The following PARP6 variants were observed in gnomAD, a reference collection of about 807,000 sequenced individuals.
The protein encoded by PARP6 is poly(ADP-ribose) polymerase family member 6.
PARP6 carries 27 observed loss-of-function variants against 92.0 expected under a neutral mutation model. The ratio of observed to expected loss-of-function variants is 0.29; its 90% CI spans 0.22 to 0.40. The LOEUF is 0.40. PARP6 is among the 10% of genes least tolerant of loss of function. The pLI, the probability that PARP6 is intolerant of heterozygous loss-of-function variation, is 1.00. For synonymous variants in PARP6, 272 were observed against 281.2 expected (o/e 0.97, Z 0.33); for missense variants, 501 against 784.5 (o/e 0.64, Z 4.32).
chr15:72,271,789 T>C (rs181638280), intron 1 of PARP6, among the ~76,000 whole-genome samples: 2 of 152,310 alleles, frequency 1.3e-5, no homozygotes, highest in South Asian at 2.1e-4. Context: ...AAATAGACTA[T>C]ATGATGAGTG....
chr15:72,248,581 T>C (rs1324909327), intron 20 of PARP6, among the ~76,000 whole-genome samples: 3 of 152,214 alleles, frequency 2.0e-5, no homozygotes, highest in East Asian at 3.8e-4. Flanking sequence ...TGCAACTACA[T>C]GGTGACTATA....
chr15:72,264,466 C>A, intron 8 of PARP6, 89 bp downstream of exon 8: 1 of 936,024 alleles, frequency 1.1e-6, no homozygotes, highest in Non-Finnish European at 1.7e-6. Flanking sequence ...GGGGGCATTC[C>A]ATCCAAGGCT....
In PARP6 at chr15:72,242,913, T is replaced by C. The variant is rs1174999130; in HGVS notation, c.1562-214A>G. The C allele has an allele frequency of 1.8e-6, 1 of 543,892 alleles. No homozygotes were observed. Among genetic ancestry groups the C allele is most frequent in the East Asian group, 3.1e-5 (1 of 31,846 alleles). 33.7% of individuals were successfully genotyped at this position (543,892 alleles called of 1,614,324 possible). On this transcript the variant is annotated intron_variant, in intron 20 of 23. Transcript: ENST00000569795. This position sits in a 1 kb window ranked among gnomAD's most constrained non-coding sequence, Gnocchi z 4.3. ...GGGTTGTGATGCAGATTATAGAGCA[T>C]GGTGTGAGCCTAGAGGAGGGCAACT... is the stretch of plus-strand genomic sequence containing the variant.
intron 10 of PARP6, 29 bp from the exon 11 acceptor site, chr15:72,259,690 G>A: frequency 1.2e-6 from 2 of 1,608,484 alleles, no homozygotes; most frequent in African/African-American, 2.7e-5. Flanking sequence ...CAGACCCCGT[G>A]AACCTCCTAT....
rs1364518352 is a variant in PARP6 at position 72,254,505 on chromosome 15, G to A, written c.1141C>T (p.Arg381Trp). 4 of 1,612,354 alleles carry A rather than the reference G, an allele frequency of 2.5e-6. No individual in the cohort carries two copies. The highest frequency in any genetic ancestry group is 2.5e-6 in the Non-Finnish European group (3 of 1,178,556). Residue 381 changes from arginine to tryptophan, a missense_variant, in exon 15 of 24, where the codon CGG becomes TGG. This residue lies in a region of PARP6 where 191 missense variants were observed against 399.1 expected (regional missense o/e 0.48). Transcript: ENST00000569795. ...ACACTATCCAGAGCTTTCTGAAGCCGCTCATAATTCTTCTTCTGTGGAGAA... is the reference window on the plus strand; with the variant it reads ...ACACTATCCAGAGCTTTCTGAAGCCACTCATAATTCTTCTTCTGTGGAGAA... ...AFNPKKKNYE[R>W]LQKALDSVMS...
chr15:72,267,300 A>G (rs2086728490), intron 3 of PARP6, 175 bp downstream of exon 3: 1 of 675,366 alleles, frequency 1.5e-6, no homozygotes, highest in South Asian at 1.8e-5. Context: ...AAAACCCACT[A>G]CACAAACACA....
intron 2 of PARP6, among the ~76,000 whole-genome samples, chr15:72,270,704 C>T (rs979351774): frequency 3.3e-5 from 5 of 152,196 alleles, no homozygotes; most frequent in African/African-American, 1.2e-4. Flanking sequence ...GCCACCTTGA[C>T]CATCCTATTT....
intron 9 of PARP6, among the ~76,000 whole-genome samples, chr15:72,261,165 C>T (rs1447309492): frequency 1.3e-5 from 2 of 152,122 alleles, no homozygotes; most frequent in Non-Finnish European, 2.9e-5. Flanking sequence ...GAAGACACCA[C>T]AGGGGGAAAA....
At chr15:72,261,754 A>G (rs778028288) in intron 8 of PARP6, 47 bp from the exon 9 acceptor site, 2 of 1,579,590 alleles carry the variant, frequency 1.3e-6, no homozygotes, top group East Asian at 4.5e-5. Context: ...GGCAGGGTCA[A>G]GAAATAAGGA....
At chr15:72,265,333 G>A (rs772373704) in intron 6 of PARP6, 80 bp downstream of exon 6, 4 of 1,269,366 alleles carry the variant, frequency 3.2e-6, no homozygotes, top group South Asian at 1.2e-5. Flanking sequence ...TACAGCACTC[G>A]GGAACAAGAC....
intron 8 of PARP6, among the ~76,000 whole-genome samples, chr15:72,262,390 C>T (rs1438067946): frequency 6.6e-6 from 1 of 152,172 alleles, no homozygotes; most frequent in African/African-American, 2.4e-5. Context: ...ACCTTGATCC[C>T]TCCATTCTCT....
At chr15:72,271,947 C>T (rs1245299560) in intron 1 of PARP6, among the ~76,000 whole-genome samples, 1 of 152,204 alleles carries the variant, frequency 6.6e-6, no homozygotes, top group African/African-American at 2.4e-5. Flanking sequence ...GACAACTTCA[C>T]GTCTAGTCAA....
At chr15:72,264,786 G>A (rs1314805457) in intron 7 of PARP6, among the ~76,000 whole-genome samples, 165 bp from the exon 8 acceptor site, 3 of 152,166 alleles carry the variant, frequency 2.0e-5, no homozygotes, top group South Asian at 2.1e-4. Flanking sequence ...GCAGATTCTC[G>A]AAGCTGTCAT....
chr15:72,258,257 T>G, intron 11 of PARP6, 125 bp from the exon 12 acceptor site: 1 of 699,440 alleles, frequency 1.4e-6, no homozygotes, highest in Admixed American at 2.0e-5. Flanking sequence ...TAGGATATAT[T>G]CTTAGGCTGT....
At chr15:72,268,085 G>C (rs1274130454) in intron 2 of PARP6, among the ~76,000 whole-genome samples, 1 of 152,190 alleles carries the variant, frequency 6.6e-6, no homozygotes. Flanking sequence ...ACAGATACTT[G>C]CATATAAAAA....
chr15:72,257,554 C>T, intron 12 of PARP6, 114 bp from the exon 13 acceptor site: 1 of 759,534 alleles, frequency 1.3e-6, no homozygotes, highest in Non-Finnish European at 2.3e-6. Flanking sequence ...ATTTGAGGCC[C>T]TCTATATCAG....
chr15:72,268,300 T>TTGGA, intron 2 of PARP6, among the ~76,000 whole-genome samples: 1 of 152,242 alleles, frequency 6.6e-6, no homozygotes, highest in Non-Finnish European at 1.5e-5. Flanking sequence ...GTTTACTCTG[T>TTGGA]CAGTTAATTC....
At chr15:72,269,243 C>G (rs998282402) in intron 2 of PARP6, among the ~76,000 whole-genome samples, 1 of 152,130 alleles carries the variant, frequency 6.6e-6, no homozygotes, top group Non-Finnish European at 1.5e-5. Flanking sequence ...TCACTGCAAC[C>G]TCTGCCTCCC....
At chr15:72,253,201 A>T (rs1249837954) in intron 16 of PARP6, among the ~76,000 whole-genome samples, 1 of 152,072 alleles carries the variant, frequency 6.6e-6, no homozygotes, top group African/African-American at 2.4e-5. Flanking sequence ...AAACAATTAA[A>T]ATAAGATTAA....
Sources: allele counts gnomAD v4.1 joint callset (sites outside exome capture counted in the v4.1 genomes callset), GRCh38; gene constraint gnomAD v4.1.1; regional missense constraint gnomAD v4.1.1; non-coding constraint Gnocchi (gnomAD v3.1); transcripts MANE v1.5; gene names NCBI Gene and HGNC (gene_info 2026-07-23, HGNC 2026-07-21).